The following LRP1B variants were observed in gnomAD, a reference collection of about 807,000 sequenced individuals.
LRP1B encodes the protein LDL receptor related protein 1B.
A neutral mutation model predicts 556.6 loss-of-function variants in LRP1B; 217 were observed. The observed-to-expected ratio is 0.39, with a 90% CI of 0.35 to 0.44. The LOEUF is 0.44. Among genes scored for constraint, LRP1B ranks in the 20% least tolerant of loss-of-function variants. LRP1B has a pLI of 1.00. For synonymous variants in LRP1B, 2,047 were observed against 1,865.8 expected, an observed-to-expected ratio of 1.10 and a Z score of -2.50; for missense variants, 5,053 against 5,620.8, an observed-to-expected ratio of 0.90 and a Z score of 3.23.
chr2:141,194,894 C>T (rs1346994676), intron 6 of LRP1B, among the ~76,000 whole-genome samples: 1 of 151,994 alleles, frequency 6.6e-6, no homozygotes, highest in Non-Finnish European at 1.5e-5. Context: ...AAAAGACTGC[C>T]CTTTAATTTA....
chr2:141,543,163 G>C (rs1423870066), intron 2 of LRP1B, among the ~76,000 whole-genome samples: 1 of 152,038 alleles, frequency 6.6e-6, no homozygotes, highest in African/African-American at 2.4e-5. Flanking sequence ...TGTGTAGTCA[G>C]GAAGAATTTG....
At chr2:141,854,783 C>T (rs1697991328) in intron 1 of LRP1B, among the ~76,000 whole-genome samples, 1 of 151,904 alleles carries the variant, frequency 6.6e-6, no homozygotes, top group Admixed American at 6.6e-5. Flanking sequence ...AACTCATTTT[C>T]TTCTATAGAA....
At chr2:140,235,781 C>T (rs935238398) in intron 89 of LRP1B, among the ~76,000 whole-genome samples, 1 of 150,876 alleles carries the variant, frequency 6.6e-6, no homozygotes, top group Non-Finnish European at 1.5e-5. Flanking sequence ...TGGATTAATT[C>T]TATCACTAGA....
rs369356436 is a variant in LRP1B at position 140,389,836 on chromosome 2, A to G, written c.10415-3827T>C. Among the ~76,000 whole-genome samples, 5 of 151,614 alleles carry G rather than the reference A, an allele frequency of 3.3e-5. No individual in the cohort carries two copies. The East Asian group carries it at 6.0e-4, about 18-fold the overall frequency. On this transcript the variant is annotated intron_variant, in intron 66 of 90. Coordinates refer to ENST00000389484, the MANE Select transcript of LRP1B (RefSeq NM_018557.3). Reference sequence around the variant, plus strand: ...AAACAGATAAGATTGTTGTAAAATTACATGGAAAAGGCTGGGCGTGGTGGT... The same window carrying G: ...AAACAGATAAGATTGTTGTAAAATTGCATGGAAAAGGCTGGGCGTGGTGGT...
intron 3 of LRP1B, among the ~76,000 whole-genome samples, chr2:141,465,121 C>A (rs1448961675): frequency 6.6e-6 from 1 of 151,458 alleles, no homozygotes; most frequent in Non-Finnish European, 1.5e-5. Context: ...AGAAAGTATA[C>A]ACATTGACAA....
intron 3 of LRP1B, among the ~76,000 whole-genome samples, chr2:141,458,868 A>G (rs1573967482): frequency 6.6e-6 from 1 of 152,196 alleles, no homozygotes; most frequent in Non-Finnish European, 1.5e-5. Flanking sequence ...AGGTTCATGT[A>G]TAAATGGATA....
At chr2:140,364,406 A>G (rs1192201378) in intron 72 of LRP1B, among the ~76,000 whole-genome samples, 3 of 151,650 alleles carry the variant, frequency 2.0e-5, no homozygotes, top group African/African-American at 7.2e-5. Context: ...AACCCACCCA[A>G]AGAGACCATA....
chr2:141,657,451 A>G (rs1349430151), intron 2 of LRP1B, among the ~76,000 whole-genome samples: 1 of 152,138 alleles, frequency 6.6e-6, no homozygotes, highest in Admixed American at 6.5e-5. Flanking sequence ...ATGAATAGCA[A>G]TTGCCATTAA....
chr2:142,020,889 T>C (rs187032483), intron 1 of LRP1B, among the ~76,000 whole-genome samples: 1 of 152,338 alleles, frequency 6.6e-6, no homozygotes, highest in African/African-American at 2.4e-5. Context: ...TCTTGCTCTC[T>C]TGATTCTTGC....
intron 20 of LRP1B, among the ~76,000 whole-genome samples, chr2:140,928,967 C>T (rs1694967675): frequency 6.6e-6 from 1 of 151,978 alleles, no homozygotes; most frequent in Non-Finnish European, 1.5e-5. Context: ...AGAGATTTAT[C>T]AAAAATTGTG....
At chr2:140,805,186 A>C (rs1244401904) in intron 32 of LRP1B, among the ~76,000 whole-genome samples, 2 of 152,170 alleles carry the variant, frequency 1.3e-5, no homozygotes, top group Non-Finnish European at 2.9e-5. Context: ...TAGTAGCCAA[A>C]ATTTAATCTC....
At chr2:141,772,402 G>C (rs1694928677) in intron 2 of LRP1B, among the ~76,000 whole-genome samples, 1 of 152,060 alleles carries the variant, frequency 6.6e-6, no homozygotes, top group African/African-American at 2.4e-5. Context: ...GCTTGTACTA[G>C]AATAAAATAT....
chr2:141,054,408 G>T (rs868637395), intron 10 of LRP1B, among the ~76,000 whole-genome samples: 31 of 151,896 alleles, frequency 2.0e-4, no homozygotes, highest in African/African-American at 7.0e-4. Flanking sequence ...TACTATACCT[G>T]ATTATCAAGA....
chr2:140,969,581 T>C (rs1696344756), intron 18 of LRP1B, among the ~76,000 whole-genome samples: 1 of 152,218 alleles, frequency 6.6e-6, no homozygotes, highest in Admixed American at 6.5e-5. Flanking sequence ...GTTAGCTGGT[T>C]AATTTGCTCG....
rs548437922 is a variant in LRP1B at position 141,912,021 on chromosome 2, T to A, written c.83-101620A>T. Among the ~76,000 whole-genome samples, 27 of 152,346 alleles carry A rather than the reference T, an allele frequency of 1.8e-4. No individual in the cohort carries two copies. In the South Asian group the frequency reaches 3.5e-3, roughly 20 times the overall value. On this transcript the variant is annotated intron_variant, in intron 1 of 90. Transcript: ENST00000389484. ...GTACCCTGATTTAGTCTCTGAAATG[T>A]CTTTTCTTCTCTATGTAATGGACCG...
At chr2:140,303,710 C>T (rs568016136) in intron 83 of LRP1B, among the ~76,000 whole-genome samples, 9 of 151,988 alleles carry the variant, frequency 5.9e-5, no homozygotes, top group Admixed American at 1.3e-4. Context: ...GCACAACATG[C>T]GGGTTTGTTA....
At chr2:140,599,652 C>T (rs1420626247) in intron 42 of LRP1B, among the ~76,000 whole-genome samples, 1 of 151,948 alleles carries the variant, frequency 6.6e-6, no homozygotes, top group African/African-American at 2.4e-5. Context: ...ATAAAAAATA[C>T]TGAATTAAAA....
At chr2:141,404,743 G>T (rs1690571132) in intron 3 of LRP1B, among the ~76,000 whole-genome samples, 1 of 152,110 alleles carries the variant, frequency 6.6e-6, no homozygotes, top group South Asian at 2.1e-4. Flanking sequence ...AGCTTTTTAG[G>T]ATGGGATTCT....
chr2:140,593,405 T>C (rs965571670), intron 43 of LRP1B, among the ~76,000 whole-genome samples: 2 of 152,146 alleles, frequency 1.3e-5, no homozygotes, highest in African/African-American at 4.8e-5. Context: ...CCTGTCAACA[T>C]GATTTATTGT....
Sources: allele counts gnomAD v4.1 joint callset (sites outside exome capture counted in the v4.1 genomes callset), GRCh38; gene constraint gnomAD v4.1.1; transcripts MANE v1.5; gene names NCBI Gene and HGNC (gene_info 2026-07-23, HGNC 2026-07-21).